ZNF735: variants seen among roughly 807,000 people sequenced by gnomAD.
ZNF735 encodes the protein putative zinc finger protein 735.
A neutral mutation model predicts 13.4 loss-of-function variants in ZNF735; 11 were observed. The observed-to-expected ratio is 0.82, with a 90% confidence interval of 0.52 to 1.36. The LOEUF is 1.36. ZNF735 is among the 40% of genes most tolerant of loss of function. ZNF735 has a pLI of 0.00. For synonymous variants in ZNF735, 171 were observed against 162.6 expected (o/e 1.05, Z -0.39); for missense variants, 500 against 484.6 (o/e 1.03, Z -0.30).
intron 1 of ZNF735, among the ~76,000 whole-genome samples, chr7:64,209,751 A>C (rs1787334949): frequency 1.3e-5 from 2 of 152,198 alleles, no homozygotes; most frequent in African/African-American, 4.8e-5. Context: ...TTGTAACATT[A>C]GATTTTTAAA....
At chr7:64,208,164 T>C (rs1415275596) in intron 1 of ZNF735, among the ~76,000 whole-genome samples, 1 of 151,932 alleles carries the variant, frequency 6.6e-6, no homozygotes, top group Non-Finnish European at 1.5e-5. Flanking sequence ...AATTTATTGG[T>C]TATGTCATCA....
chr7:64,216,707 G>A (rs560421899), intron 3 of ZNF735, among the ~76,000 whole-genome samples: 84 of 151,964 alleles, frequency 5.5e-4, no homozygotes, highest in African/African-American at 1.9e-3. Context: ...CTGGACTCAA[G>A]TAATCCTTCC....
At chr7:64,211,127 GA>G (rs1341581684) in intron 1 of ZNF735, among the ~76,000 whole-genome samples, 4 of 152,040 alleles carry the variant, frequency 2.6e-5, no homozygotes, top group Admixed American at 2.6e-4. Flanking sequence ...AAGGGGTTCT[GA>G]AAAAAATATT....
At chr7:64,219,063 TTTCTC>T (rs1787455161) in intron 3 of ZNF735, among the ~76,000 whole-genome samples, 1 of 152,166 alleles carries the variant, frequency 6.6e-6, no homozygotes, top group Non-Finnish European at 1.5e-5. Flanking sequence ...GTAGCAGACT[TTTCTC>T]TATATATGGT....
chr7:64,218,250 T>C (rs1350443489), intron 3 of ZNF735, among the ~76,000 whole-genome samples: 1 of 152,086 alleles, frequency 6.6e-6, no homozygotes, highest in Non-Finnish European at 1.5e-5. Context: ...ACAGTTCTTT[T>C]CTGACCTGAA....
chr7:64,208,615 T>TATAG (rs923701583), intron 1 of ZNF735, among the ~76,000 whole-genome samples: 9 of 151,512 alleles, frequency 5.9e-5, no homozygotes, highest in African/African-American at 1.9e-4. Context: ...AAGTTTGTTA[T>TATAG]ATAGGTAAAA....
chr7:64,214,615 A>AT, intron 3 of ZNF735, among the ~76,000 whole-genome samples: 1 of 151,670 alleles, frequency 6.6e-6, no homozygotes, highest in East Asian at 1.9e-4. Flanking sequence ...CAATTTTTTT[A>AT]TTTTTTAATT....
At chr7:64,210,165 C>T (rs1440096054) in intron 1 of ZNF735, among the ~76,000 whole-genome samples, 1 of 152,164 alleles carries the variant, frequency 6.6e-6, no homozygotes, top group Non-Finnish European at 1.5e-5. Flanking sequence ...GTGATATGCT[C>T]CTGAGCACAT....
At chr7:64,212,042 T>A (rs117029919) in intron 1 of ZNF735, among the ~76,000 whole-genome samples, 5,922 of 152,196 alleles carry the variant, frequency 0.039, 186 homozygotes, top group East Asian at 0.16. Context: ...TTTATTCACT[T>A]GGTTCAAGAT....
At chr7:64,210,653 C>T (rs904783624) in intron 1 of ZNF735, among the ~76,000 whole-genome samples, 3 of 152,174 alleles carry the variant, frequency 2.0e-5, no homozygotes, top group Non-Finnish European at 2.9e-5. Flanking sequence ...GCGGTTCGTG[C>T]TCCCATTACT....
intron 3 of ZNF735, among the ~76,000 whole-genome samples, chr7:64,214,702 G>A (rs866801345): frequency 3.3e-5 from 5 of 151,944 alleles, no homozygotes; most frequent in Admixed American, 1.3e-4. Flanking sequence ...GGTACCTCAT[G>A]TCTTCATTTT....
chr7:64,220,003 A>G (rs765604272), exon 4 of ZNF735: 1 of 1,612,368 alleles, frequency 6.2e-7, no homozygotes, highest in South Asian at 1.1e-5. Flanking sequence ...CCACAAGAGA[A>G]TTCATACTGG....
At chr7:64,213,031 ATC>A (rs1787378140) in intron 1 of ZNF735, 59 bp from the exon 2 acceptor site, 1 of 1,517,970 alleles carries the variant, frequency 6.6e-7, no homozygotes, top group African/African-American at 1.4e-5. Context: ...TCAAATAAAA[ATC>A]TCTGCTTACG....
rs1371691860 is a variant in ZNF735, at chr7:64,216,044, C to CGTGGTGGCT, written c.262+1936_262+1937insGTGGTGGCT. Among the ~76,000 whole-genome samples the CGTGGTGGCT allele has an allele frequency of 2.0e-5, 3 of 151,932 alleles. No individual in the cohort carries two copies. In the East Asian group the frequency reaches 5.8e-4, roughly 29 times the overall value. On this transcript the variant is annotated intron_variant, in intron 3 of 3. Coordinates refer to ENST00000429565, the Ensembl canonical transcript of ZNF735. ...AGCGTGGTGGCTCACACCTGTAATC[C>CGTGGTGGCT]CAGCACTTTGGGAGGCTGAGGCGGG...
intron 1 of ZNF735, among the ~76,000 whole-genome samples, chr7:64,209,723 C>T (rs1787334739): frequency 1.3e-5 from 2 of 152,032 alleles, no homozygotes. Flanking sequence ...TTGGTTTGCT[C>T]TTTTGAAATT....
At chr7:64,219,044 TG>T (rs1329665395) in intron 3 of ZNF735, among the ~76,000 whole-genome samples, 1 of 152,134 alleles carries the variant, frequency 6.6e-6, no homozygotes, top group Non-Finnish European at 1.5e-5. Context: ...AGGGCTGTGT[TG>T]GGTAAATGTA....
rs1787392199 is a variant in ZNF735 at position 64,214,107 on chromosome 7, A to G, written c.261A>G (p.Pro87=). 7 of 1,599,606 alleles carry G rather than the reference A, an allele frequency of 4.4e-6. No individual in the cohort carries two copies. In the East Asian group the frequency reaches 1.6e-4, roughly 36 times the overall value. Residue 87 remains proline (P), a splice_region_variant and synonymous_variant, in exon 3 of 4, where the codon CCA becomes CCG. Transcript: ENST00000429565. ...GAAATGAGATGGCAGCCAAACACCCAGGTAGGTGAGAGCAAATGAAGCAGA... is the reference window on the plus strand; with the variant it reads ...GAAATGAGATGGCAGCCAAACACCCGGGTAGGTGAGAGCAAATGAAGCAGA...
intron 1 of ZNF735, among the ~76,000 whole-genome samples, chr7:64,209,371 C>A (rs999411351): frequency 1.4e-5 from 2 of 146,328 alleles, no homozygotes; most frequent in South Asian, 2.1e-4. Flanking sequence ...TTTTTTGAGA[C>A]GGAGCTTCGC....
intron 1 of ZNF735, among the ~76,000 whole-genome samples, chr7:64,211,294 T>C (rs1332451705): frequency 2.6e-5 from 4 of 152,206 alleles, no homozygotes; most frequent in South Asian, 2.1e-4. Context: ...AAGATTTCTA[T>C]TGAGGAAACA....
Sources: allele counts gnomAD v4.1 joint callset (sites outside exome capture counted in the v4.1 genomes callset), GRCh38; gene constraint gnomAD v4.1.1; transcripts MANE v1.5; gene names NCBI Gene and HGNC (gene_info 2026-07-23, HGNC 2026-07-21).